Variants in KLHL1 observed in about 807,000 individuals in gnomAD.
The protein encoded by KLHL1 is kelch-like protein 1.
Under a neutral mutation model 77.7 loss-of-function variants are expected in KLHL1, and 47 were observed. The ratio of observed to expected loss-of-function variants is 0.60; its 90% CI spans 0.48 to 0.77. The LOEUF (loss-of-function observed/expected upper bound fraction) is 0.77, where lower values mean the gene tolerates loss of function less well. Ranked by LOEUF, KLHL1 falls within the 30% of genes least tolerant of loss-of-function variation. KLHL1 has a pLI of 0.00. For missense variants in KLHL1, 925 were observed against 910.8 expected (o/e 1.02, Z -0.20); for synonymous variants, 360 against 325.2 (o/e 1.11, Z -1.15).
At chr13:69,748,909 A>G (rs59124157) in intron 7 of KLHL1, among the ~76,000 whole-genome samples, 3,313 of 151,848 alleles carry the variant, frequency 0.022, 113 homozygotes, top group African/African-American at 0.074. Context: ...TCTAACTATA[A>G]TTAAATTAAA....
At chr13:69,707,830 C>G in intron 9 of KLHL1, 34 bp from the exon 10 acceptor site, 1 of 1,521,034 alleles carries the variant, frequency 6.6e-7, no homozygotes, top group African/African-American at 1.4e-5. Flanking sequence ...ATAACATATT[C>G]TAATCACATT....
chr13:70,001,780 T>G (rs1885299440), intron 1 of KLHL1, among the ~76,000 whole-genome samples: 1 of 151,570 alleles, frequency 6.6e-6, no homozygotes, highest in African/African-American at 2.4e-5. Flanking sequence ...CAGTAGACCA[T>G]GAAATCAAAA....
At chr13:69,862,744 ATC>A (rs1430583467) in intron 5 of KLHL1, among the ~76,000 whole-genome samples, 1 of 152,034 alleles carries the variant, frequency 6.6e-6, no homozygotes, top group Non-Finnish European at 1.5e-5. Flanking sequence ...GAAGAGAGAG[ATC>A]TCTCTCTGTT....
intron 1 of KLHL1, among the ~76,000 whole-genome samples, chr13:70,101,091 C>A (rs1887911329): frequency 6.6e-6 from 1 of 152,050 alleles, no homozygotes; most frequent in Admixed American, 6.6e-5. Flanking sequence ...TAAAAAGAAA[C>A]CAACAAACAC....
intron 1 of KLHL1, among the ~76,000 whole-genome samples, chr13:70,077,407 G>GCC (rs1213080426): frequency 6.6e-6 from 1 of 151,888 alleles, no homozygotes; most frequent in Admixed American, 6.6e-5. Context: ...TCTGGAAAAG[G>GCC]CCAAACTACA....
intron 1 of KLHL1, among the ~76,000 whole-genome samples, chr13:70,103,418 T>C (rs1387494486): frequency 6.6e-6 from 1 of 152,054 alleles, no homozygotes; most frequent in African/African-American, 2.4e-5. Flanking sequence ...GGAAGTCCTT[T>C]GGTGGGGAAA....
intron 1 of KLHL1, among the ~76,000 whole-genome samples, chr13:69,989,815 T>A (rs1884979931): frequency 1.3e-5 from 2 of 152,006 alleles, no homozygotes; most frequent in African/African-American, 4.8e-5. Flanking sequence ...TGATTTTGTA[T>A]TCTGAAGCTT....
At chr13:70,005,128 T>C (rs1031049265) in intron 1 of KLHL1, among the ~76,000 whole-genome samples, 3 of 151,826 alleles carry the variant, frequency 2.0e-5, no homozygotes, top group African/African-American at 7.2e-5. Context: ...TATATACATA[T>C]ACACTCATAA....
intron 5 of KLHL1, among the ~76,000 whole-genome samples, chr13:69,871,669 A>G (rs1880591542): frequency 6.6e-6 from 1 of 151,206 alleles, no homozygotes. Context: ...ACCCTACATC[A>G]TTGATCTTAA....
intron 4 of KLHL1, among the ~76,000 whole-genome samples, chr13:69,939,376 T>TATATATATAC (rs1555283253): frequency 2.1e-5 from 1 of 48,512 alleles, no homozygotes; most frequent in African/African-American, 8.3e-5. Flanking sequence ...TATATATATA[T>TATATATATAC]ATACACACAC....
chr13:70,048,624 A>T (rs909884523), intron 1 of KLHL1, among the ~76,000 whole-genome samples: 3 of 152,216 alleles, frequency 2.0e-5, no homozygotes, highest in African/African-American at 7.2e-5. Flanking sequence ...CTGATTTCTC[A>T]TAAGGAGCAT....
At chr13:70,014,081 G>C (rs1206735119) in intron 1 of KLHL1, among the ~76,000 whole-genome samples, 1 of 151,894 alleles carries the variant, frequency 6.6e-6, no homozygotes, top group Non-Finnish European at 1.5e-5. Context: ...CCACAAAATT[G>C]AATACTAACA....
intron 6 of KLHL1, among the ~76,000 whole-genome samples, chr13:69,832,817 A>G (rs1328522613): frequency 6.6e-6 from 1 of 152,086 alleles, no homozygotes; most frequent in Admixed American, 6.6e-5. Context: ...GTTACAGCCA[A>G]CTGATCTTTG....
At chr13:70,037,756 C>T (rs1160819947) in intron 1 of KLHL1, among the ~76,000 whole-genome samples, 1 of 152,090 alleles carries the variant, frequency 6.6e-6, no homozygotes, top group Non-Finnish European at 1.5e-5. Flanking sequence ...GTTTTTTCAT[C>T]AGTCCTAAAA....
chr13:69,758,827 T>C (rs556334183), intron 7 of KLHL1, among the ~76,000 whole-genome samples: 1 of 152,278 alleles, frequency 6.6e-6, no homozygotes, highest in African/African-American at 2.4e-5. Flanking sequence ...ACCTAAACTA[T>C]GTTTAATAAT....
At chr13:69,981,501 C>A (rs1028231236) in intron 1 of KLHL1, among the ~76,000 whole-genome samples, 1 of 151,394 alleles carries the variant, frequency 6.6e-6, no homozygotes, top group African/African-American at 2.4e-5. Context: ...TAGACAAAGA[C>A]CTGAATGTAG....
At chr13:69,711,244 G>A (rs1413651420) in intron 9 of KLHL1, among the ~76,000 whole-genome samples, 1 of 151,960 alleles carries the variant, frequency 6.6e-6, no homozygotes. Context: ...TAGATAGACA[G>A]CAATTAAACA....
chr13:69,704,298 C>T (rs1875531486), intron 10 of KLHL1, among the ~76,000 whole-genome samples: 1 of 151,656 alleles, frequency 6.6e-6, no homozygotes, highest in Non-Finnish European at 1.5e-5. Flanking sequence ...TTTTACCTTA[C>T]TCAACTCTAA....
intron 6 of KLHL1, among the ~76,000 whole-genome samples, chr13:69,836,130 C>T (rs1878979769): frequency 6.6e-6 from 1 of 152,036 alleles, no homozygotes; most frequent in African/African-American, 2.4e-5. Flanking sequence ...GCCATTTTTG[C>T]CTTTAGAAAT....
Sources: gnomAD v4.1 joint callset for allele counts (sites outside exome capture counted in the v4.1 genomes callset) on GRCh38, gnomAD v4.1.1 for gene constraint, MANE v1.5 for transcripts, NCBI Gene and HGNC (gene_info 2026-07-23, HGNC 2026-07-21) for gene names.